KIAA0232: variants seen among roughly 807,000 people sequenced by gnomAD.
KIAA0232 encodes the protein KIAA0232.
A neutral mutation model predicts 122.0 loss-of-function variants in KIAA0232; 27 were observed. The ratio of observed to expected loss-of-function variants is 0.22; its 90% CI spans 0.16 to 0.31. The LOEUF (loss-of-function observed/expected upper bound fraction) is 0.31. Among genes scored for constraint, KIAA0232 ranks in the 10% least tolerant of loss-of-function variants. The pLI is 1.00. For synonymous variants in KIAA0232, 613 were observed against 587.6 expected (o/e 1.04, Z -0.63); for missense variants, 1,551 against 1,634.2 (o/e 0.95, Z 0.88).
intron 3 of KIAA0232, among the ~76,000 whole-genome samples, chr4:6,828,879 C>T (rs1483588868): frequency 6.6e-6 from 1 of 152,100 alleles, no homozygotes; most frequent in South Asian, 2.1e-4. Context: ...ATTACAATTA[C>T]AAAATTCAGG....
intron 9 of KIAA0232, 130 bp from the exon 10 acceptor site, chr4:6,880,655 ACT>A: frequency 3.3e-6 from 2 of 598,022 alleles, no homozygotes; most frequent in Non-Finnish European, 5.1e-6. Context: ...AAACAGTAAA[ACT>A]CTGCATGTTT....
intron 2 of KIAA0232, among the ~76,000 whole-genome samples, chr4:6,807,130 G>A (rs1468582839): frequency 6.6e-6 from 1 of 151,858 alleles, no homozygotes; most frequent in Non-Finnish European, 1.5e-5. Context: ...GTACGCCTGG[G>A]CTCAAGTGTT....
chr4:6,819,004 T>G (rs62289440), intron 2 of KIAA0232, among the ~76,000 whole-genome samples: 28,783 of 152,086 alleles, frequency 0.19, 3,277 homozygotes, highest in East Asian at 0.45. Flanking sequence ...TAAATGGTCC[T>G]GGAATAGCTT....
intron 3 of KIAA0232, among the ~76,000 whole-genome samples, chr4:6,836,632 G>A (rs1227930451): frequency 6.7e-6 from 1 of 150,186 alleles, no homozygotes; most frequent in African/African-American, 2.5e-5. Context: ...AATAGTGGAG[G>A]GAAGGTCAGC....
At chr4:6,814,516 T>C (rs557694446) in intron 2 of KIAA0232, among the ~76,000 whole-genome samples, 3 of 152,214 alleles carry the variant, frequency 2.0e-5, no homozygotes, top group African/African-American at 7.2e-5. Flanking sequence ...ACAATTTGAG[T>C]GTGGTAGTCT....
intron 8 of KIAA0232, among the ~76,000 whole-genome samples, chr4:6,874,808 G>A (rs545934432): frequency 2.0e-5 from 3 of 152,302 alleles, no homozygotes; most frequent in East Asian, 1.9e-4. Flanking sequence ...GTCATAGCCC[G>A]AAACAGGGTG....
At chr4:6,786,816 G>T (rs887458616) in intron 1 of KIAA0232, among the ~76,000 whole-genome samples, 1 of 152,156 alleles carries the variant, frequency 6.6e-6, no homozygotes, top group Non-Finnish European at 1.5e-5. Flanking sequence ...AATAGATGAA[G>T]TGCCTGCATT....
At chr4:6,805,226 A>G (rs967819166) in intron 2 of KIAA0232, among the ~76,000 whole-genome samples, 3 of 152,212 alleles carry the variant, frequency 2.0e-5, no homozygotes, top group Admixed American at 6.5e-5. Context: ...TAAAGGCTTG[A>G]TTTAATGTTG....
At chr4:6,806,755 A>T (rs1717633519) in intron 2 of KIAA0232, among the ~76,000 whole-genome samples, 1 of 150,106 alleles carries the variant, frequency 6.7e-6, no homozygotes, top group African/African-American at 2.5e-5. Flanking sequence ...AAAAAAAAAA[A>T]AAAAAAAAGA....
intron 4 of KIAA0232, among the ~76,000 whole-genome samples, chr4:6,849,472 C>T (rs771477278): frequency 3.3e-5 from 5 of 152,134 alleles, no homozygotes; most frequent in African/African-American, 7.2e-5. Context: ...AAAAATTAAC[C>T]GGACGTGGTG....
intron 7 of KIAA0232, among the ~76,000 whole-genome samples, chr4:6,868,654 G>T (rs1044621689): frequency 6.6e-6 from 1 of 152,170 alleles, no homozygotes; most frequent in African/African-American, 2.4e-5. Flanking sequence ...CTTCTGATCC[G>T]CTTTCAGCTT....
rs1296027930 is a variant in KIAA0232, at chr4:6,840,159, TC to T, written c.232-1907del. ...CTTCTGCTCTGCCTCTCTGCCTACCTCTTTTTGTCAGCTTGGTTTTGCAGCC... is the reference window on the plus strand; with the variant it reads ...CTTCTGCTCTGCCTCTCTGCCTACCTTTTTTGTCAGCTTGGTTTTGCAGCC... On this transcript the variant is annotated intron_variant, in intron 3 of 9. Coordinates refer to ENST00000307659, the MANE Select transcript of KIAA0232 (RefSeq NM_014743.3). Among the ~76,000 whole-genome samples, 3 of 152,192 alleles carry T rather than the reference TC, an allele frequency of 2.0e-5. No individual in the cohort carries two copies. In the East Asian group the frequency reaches 5.8e-4, roughly 29 times the overall value.
rs374089474 is a variant in KIAA0232 at position 6,862,564 on chromosome 4, A to T, written c.2182A>T (p.Asn728Tyr). ...AACACGTTCAGACAATGAAACATTA[A>T]ATATTCAGTTTGAAGAATCCACACA... ...EETRSDNETL[N>Y]IQFEESTQFN... The change falls in exon 7 of 10, where the codon AAT becomes TAT. Residue 728 changes from asparagine (N) to tyrosine (Y), a missense_variant. Around this residue, in one of 5 missense-constraint regions of KIAA0232, gnomAD observed 1,108 missense variants for 1,154.8 expected, o/e 0.96. Coordinates refer to ENST00000307659, the MANE Select transcript of KIAA0232 (RefSeq NM_014743.3). 5 of 1,613,656 alleles carry T rather than the reference A, an allele frequency of 3.1e-6. No individual in the cohort carries two copies. The East Asian group carries it at 6.7e-5, about 22-fold the overall frequency.
chr4:6,858,311 T>G, intron 5 of KIAA0232, 114 bp from the exon 6 acceptor site: 1 of 625,648 alleles, frequency 1.6e-6, no homozygotes. Context: ...GAGTTTGCCT[T>G]TTAAGCACCA....
At chr4:6,792,463 T>TA (rs1383575225) in intron 1 of KIAA0232, among the ~76,000 whole-genome samples, 1 of 152,210 alleles carries the variant, frequency 6.6e-6, no homozygotes, top group African/African-American at 2.4e-5. Context: ...GTGGCTATAT[T>TA]AGTTTTACTA....
intron 2 of KIAA0232, among the ~76,000 whole-genome samples, chr4:6,817,052 A>T (rs1192531206): frequency 1.3e-5 from 2 of 151,378 alleles, no homozygotes; most frequent in South Asian, 2.1e-4. Flanking sequence ...TTTCTATTTC[A>T]CTGGTTTCTG....
chr4:6,865,043 C>T (rs920715222), intron 7 of KIAA0232, among the ~76,000 whole-genome samples: 2 of 152,132 alleles, frequency 1.3e-5, no homozygotes, highest in African/African-American at 4.8e-5. Flanking sequence ...ATACAAAGTA[C>T]ATATTCCAGA....
intron 2 of KIAA0232, among the ~76,000 whole-genome samples, chr4:6,819,853 C>T (rs1216827708): frequency 6.6e-6 from 1 of 152,074 alleles, no homozygotes; most frequent in Admixed American, 6.5e-5. Flanking sequence ...ACCTAGGTGC[C>T]CATCAACAGT....
intron 8 of KIAA0232, among the ~76,000 whole-genome samples, chr4:6,875,748 A>G (rs1721716845): frequency 6.6e-6 from 1 of 152,198 alleles, no homozygotes; most frequent in African/African-American, 2.4e-5. Context: ...TTAATGCACC[A>G]TGAATGTCAA....
Sources: gnomAD v4.1 joint callset for allele counts (sites outside exome capture counted in the v4.1 genomes callset) on GRCh38, gnomAD v4.1.1 for gene constraint, gnomAD v4.1.1 regional missense constraint, MANE v1.5 for transcripts, NCBI Gene and HGNC (gene_info 2026-07-23, HGNC 2026-07-21) for gene names.